The following GAPT variants were observed in gnomAD, a reference collection of about 807,000 sequenced individuals.
GAPT encodes GRB2 binding adaptor protein, transmembrane.
For synonymous variants in GAPT, 82 were observed against 69.7 expected (o/e 1.18, Z -0.88); for missense variants, 206 against 189.2 (o/e 1.09, Z -0.52).
chr5:58,492,534 C>T (rs1744285232), intron 1 of GAPT, among the ~76,000 whole-genome samples: 1 of 152,118 alleles, frequency 6.6e-6, no homozygotes, highest in Admixed American at 6.6e-5. Context: ...TTCTCAACCT[C>T]AATATTACTC....
intron 1 of GAPT, among the ~76,000 whole-genome samples, chr5:58,492,445 T>A (rs1350901035): frequency 6.6e-6 from 1 of 152,158 alleles, no homozygotes; most frequent in Non-Finnish European, 1.5e-5. Context: ...GCTAAACTTT[T>A]GTCCTTGAAC....
Position 58,494,494 on chromosome 5 carries a change from TA to T in GAPT, c.-41del. 1 of 1,467,208 alleles carries T rather than the reference TA, an allele frequency of 6.8e-7. No individual in the cohort carries two copies. 90.9% of individuals were successfully genotyped at this position (1,467,208 alleles called of 1,614,324 possible). Reference sequence around the variant, plus strand: ...ACAAAGAATTACACTGTGAATTCATTAAGGGTAACACCAAATCACTAAACAG... The same window carrying T: ...ACAAAGAATTACACTGTGAATTCATTAGGGTAACACCAAATCACTAAACAG... On this transcript the variant is annotated 5_prime_UTR_variant, in exon 3 of 3. Transcript: ENST00000502276.
chr5:58,495,345 T>C lies in GAPT; in HGVS notation c.*335T>C, dbSNP rs931142252. ...GGGAAAAAAAAAATATCAGGTACTA[T>C]GCTTAGTACACACATGATGAAATAA... On this transcript the variant is annotated 3_prime_UTR_variant, in exon 3 of 3. Transcript: ENST00000502276. The C allele has an allele frequency of 3.3e-5, 8 of 240,142 alleles. No homozygotes were observed. The highest frequency in any genetic ancestry group is 1.6e-4 in the African/African-American group (7 of 43,802). The allele number at this position is 240,142 out of a possible 1,614,324, so 14.9% of individuals were successfully genotyped here. A position where few individuals can be genotyped will look rare whatever the true frequency, so the allele number is the denominator to read the frequency against.
chr5:58,494,856 C>A lies in GAPT; in HGVS notation c.320C>A (p.Thr107Asn). ...GGTCCTCCCAAAGCTAAAGGAAAAA[C>A]CGATAAGGAACTATATGAAAACACA... ...EAGPPKAKGK[T>N]DKELYENTGQ... Residue 107 changes from threonine to asparagine, a missense_variant, in exon 3 of 3, where the codon ACC (threonine) becomes AAC (asparagine). Physicochemically the swap from Thr to Asn is moderately conservative, Grantham distance 65 (BLOSUM62 0). Coordinates refer to ENST00000502276, the MANE Select transcript of GAPT (RefSeq NM_001304431.2). 1 of 1,613,956 alleles carries A rather than the reference C, an allele frequency of 6.2e-7. No individual in the cohort carries two copies. Among genetic ancestry groups the A allele is most frequent in the Non-Finnish European group, 8.5e-7 (1 of 1,179,972 alleles).
chr5:58,494,491 C>A lies in GAPT; in HGVS notation c.-46C>A. On this transcript the variant is annotated 5_prime_UTR_variant, in exon 3 of 3. Coordinates refer to ENST00000502276, the MANE Select transcript of GAPT (RefSeq NM_001304431.2). ...GCTACAAAGAATTACACTGTGAATT[C>A]ATTAAGGGTAACACCAAATCACTAA... The A allele has an allele frequency of 6.9e-7, 1 of 1,448,412 alleles. No homozygotes were observed. Among genetic ancestry groups the A allele is most frequent in the South Asian group, 1.3e-5 (1 of 77,428 alleles). The allele number at this position is 1,448,412 out of a possible 1,614,324, so 89.7% of individuals were successfully genotyped here. A position where few individuals can be genotyped will look rare whatever the true frequency, so the allele number is the denominator to read the frequency against.
Position 58,496,051 on chromosome 5 carries a change from T to G in GAPT, c.*1041T>G, listed in dbSNP as rs542316170. On this transcript the variant is annotated 3_prime_UTR_variant, in exon 3 of 3. Coordinates refer to ENST00000502276, the MANE Select transcript of GAPT (RefSeq NM_001304431.2). ...CTTCTCTCAAGCCTGCTTCAGATCATAAGTTCTTCCACACATCTCCTGAAT... is the reference window on the plus strand; with the variant it reads ...CTTCTCTCAAGCCTGCTTCAGATCAGAAGTTCTTCCACACATCTCCTGAAT... The G allele has an allele frequency of 3.1e-4, 51 of 167,070 alleles. No individual in the cohort carries two copies. Among genetic ancestry groups the G allele is most frequent in the Non-Finnish European group, 6.3e-4 (43 of 68,112 alleles). The allele number at this position is 167,070 out of a possible 1,614,324, so 10.3% of individuals were successfully genotyped here.
chr5:58,493,221 T>C (rs886938789), intron 1 of GAPT, among the ~76,000 whole-genome samples: 1 of 152,202 alleles, frequency 6.6e-6, no homozygotes, highest in African/African-American at 2.4e-5. Context: ...ATTCCATAGA[T>C]GATAATAATC....
At chr5:58,493,563 T>C (rs1744328792) in intron 1 of GAPT, 148 bp from the exon 2 acceptor site, 1 of 152,218 alleles carries the variant, frequency 6.6e-6, no homozygotes, top group African/African-American at 2.4e-5. Context: ...TTGCAGTCAT[T>C]TTTAAATGCA....
At position 58,494,702 on chromosome 5, in the gene GAPT, G is replaced by C. The variant is rs1561228616; in HGVS notation, c.166G>C (p.Val56Leu). Residue 56 changes from valine to leucine, a missense_variant, in exon 3 of 3, where the codon GTC becomes CTC. Physicochemically the swap from Val to Leu is conservative, Grantham distance 32. Transcript: ENST00000502276. ...FLQRRSSRRK[V>L]CTKTFLGPRI... ...ACAAAGGAGAAGCAGCAGGAGAAAAGTCTGTACTAAAACATTCTTGGGCCC... is the reference window on the plus strand; with the variant it reads ...ACAAAGGAGAAGCAGCAGGAGAAAACTCTGTACTAAAACATTCTTGGGCCC... The C allele has an allele frequency of 1.2e-6, 2 of 1,614,012 alleles. No individual in the cohort carries two copies. The highest frequency in any genetic ancestry group is 1.7e-6 in the Non-Finnish European group (2 of 1,179,972).
rs951734920 is a variant in GAPT, at chr5:58,495,671, T to A, written c.*661T>A. ...TAAATATTACCCGTTATCTCTTTCC[T>A]TTATTTCTACCATTATCTTTATCTG... On this transcript the variant is annotated 3_prime_UTR_variant, in exon 3 of 3. Coordinates refer to ENST00000502276, the MANE Select transcript of GAPT (RefSeq NM_001304431.2). 2 of 162,608 alleles carry A rather than the reference T, an allele frequency of 1.2e-5. No homozygotes were observed. The allele number at this position is 162,608 out of a possible 1,614,324, so 10.1% of individuals were successfully genotyped here. A position where few individuals can be genotyped will look rare whatever the true frequency, so the allele number is the denominator to read the frequency against.
In GAPT at chr5:58,495,565, G is replaced by C. The variant is rs146553533; in HGVS notation, c.*555G>C. ...CACCTTTCTGAATCCTATGTGTATC[G>C]CTGTGGATTAATTCTAGATATCTTC... On this transcript the variant is annotated 3_prime_UTR_variant, in exon 3 of 3. Transcript: ENST00000502276. 6.0e-6 allele frequency: 1 copy of C among 166,446 alleles called. No individual in the cohort carries two copies. Among genetic ancestry groups the C allele is most frequent in the Non-Finnish European group, 1.5e-5 (1 of 68,502 alleles). 10.3% of individuals were successfully genotyped at this position (166,446 alleles called of 1,614,324 possible).
rs146862585 is a variant in GAPT, at chr5:58,494,627, T to C, written c.91T>C (p.Trp31Arg). The C allele has an allele frequency of 1.9e-6, 3 of 1,613,952 alleles. No homozygotes were observed. The highest frequency in any genetic ancestry group is 2.7e-5 in the African/African-American group (2 of 74,938). ...AGTGGTTTGTGGAATTGGGTGTGTT[T>C]GGCACTGGAAACACCGTGTTGCCAC... ...LLVVCGIGCVWHWKHRVATRF... is the reference protein window; with the variant it reads ...LLVVCGIGCVRHWKHRVATRF... The change falls in exon 3 of 3, where the codon TGG (tryptophan) becomes CGG (arginine). Residue 31 changes from tryptophan to arginine, a missense_variant. Physicochemically the swap from Trp to Arg is moderately radical, Grantham distance 101. Coordinates refer to ENST00000502276, the MANE Select transcript of GAPT (RefSeq NM_001304431.2).
chr5:58,493,243 A>G (rs1744317606), intron 1 of GAPT, among the ~76,000 whole-genome samples: 1 of 152,192 alleles, frequency 6.6e-6, no homozygotes, highest in Non-Finnish European at 1.5e-5. Context: ...TTTCACAGGC[A>G]CTGTTGGATC....
Position 58,496,718 on chromosome 5 carries a change from C to G in GAPT, c.*1708C>G, listed in dbSNP as rs1744461237. On this transcript the variant is annotated 3_prime_UTR_variant, in exon 3 of 3. Transcript: ENST00000502276. ...TCCTGCCTATTCTTTCTGTTGCCCC[C>G]GCAGGAATTTATTGCCATGTGGTTT... is the stretch of plus-strand genomic sequence containing the variant. 6.0e-6 allele frequency: 1 copy of G among 167,100 alleles called. No individual in the cohort carries two copies. Among genetic ancestry groups the G allele is most frequent in the African/African-American group, 2.4e-5 (1 of 41,448 alleles). 10.4% of individuals were successfully genotyped at this position (167,100 alleles called of 1,614,324 possible).
At chr5:58,492,423 T>A (rs955262860) in intron 1 of GAPT, among the ~76,000 whole-genome samples, 1 of 152,188 alleles carries the variant, frequency 6.6e-6, no homozygotes, top group African/African-American at 2.4e-5. Flanking sequence ...TCCTAATGAT[T>A]AAAGTCATTT....
Position 58,495,023 on chromosome 5 carries a change from T to C in GAPT, c.*13T>C, listed in dbSNP as rs368087484. ...AGATTCATATTAGCTTTTCAAAATA[T>C]TGACTTTTGTTATTGGATGATAAAT... On this transcript the variant is annotated 3_prime_UTR_variant, in exon 3 of 3. Coordinates refer to ENST00000502276, the MANE Select transcript of GAPT (RefSeq NM_001304431.2). The C allele has an allele frequency of 2.0e-5, 30 of 1,498,538 alleles. No individual in the cohort carries two copies. Among genetic ancestry groups the C allele is most frequent in the African/African-American group, 2.8e-5 (2 of 71,490 alleles). 92.8% of individuals were successfully genotyped at this position (1,498,538 alleles called of 1,614,324 possible).
chr5:58,495,043 A>G lies in GAPT; in HGVS notation c.*33A>G, dbSNP rs760799273. 5 of 1,357,500 alleles carry G rather than the reference A, an allele frequency of 3.7e-6. 1 individual carries two copies. The South Asian group carries it at 5.1e-5, about 14-fold the overall frequency. The allele number at this position is 1,357,500 out of a possible 1,614,324, so 84.1% of individuals were successfully genotyped here. On this transcript the variant is annotated 3_prime_UTR_variant, in exon 3 of 3. Transcript: ENST00000502276. ...AAATATTGACTTTTGTTATTGGATG[A>G]TAAATATTCACTGTAATTTTTCAAC...
rs1744361289 is a variant in GAPT at position 58,494,287 on chromosome 5, AATTATAC to A, written c.-245_-239del. The A allele has an allele frequency of 2.4e-6, 1 of 421,748 alleles. No individual in the cohort carries two copies. The highest frequency in any genetic ancestry group is 4.2e-6 in the Non-Finnish European group (1 of 237,404). 26.1% of individuals were successfully genotyped at this position (421,748 alleles called of 1,614,324 possible). ...GGAATAAAATCCCCCAATACAGTAC[AATTATAC>A]ATTAATGGCTGTAATGTGAAGAGCA... On this transcript the variant is annotated 5_prime_UTR_variant, in exon 3 of 3. The change abolishes the stop of an existing upstream ORF in the 5' untranslated region. Transcript: ENST00000502276.
At position 58,495,017 on chromosome 5, in the gene GAPT, A is replaced by C; in HGVS notation, c.*7A>C. ...TCTTCCAGATTCATATTAGCTTTTC[A>C]AAATATTGACTTTTGTTATTGGATG... On this transcript the variant is annotated 3_prime_UTR_variant, in exon 3 of 3. Coordinates refer to ENST00000502276, the MANE Select transcript of GAPT (RefSeq NM_001304431.2). 6.5e-7 allele frequency: 1 copy of C among 1,536,264 alleles called. No individual in the cohort carries two copies.
Sources: allele counts gnomAD v4.1 joint callset (sites outside exome capture counted in the v4.1 genomes callset), GRCh38; gene constraint gnomAD v4.1.1; transcripts MANE v1.5; gene names NCBI Gene and HGNC (gene_info 2026-07-23, HGNC 2026-07-21).